CNTN6: variants seen among roughly 807,000 people sequenced by gnomAD.
CNTN6 encodes contactin-6.
CNTN6 carries 137 observed loss-of-function variants against 122.8 expected under a neutral mutation model. The ratio of observed to expected loss-of-function variants is 1.12; its 90% confidence interval spans 0.97 to 1.29. The LOEUF (loss-of-function observed/expected upper bound fraction) is 1.29, where lower values mean the gene tolerates loss of function less well. Among genes scored for constraint, CNTN6 ranks in the 50% most tolerant of loss-of-function variants. The pLI is 0.00. For missense variants in CNTN6, 1,634 were observed against 1,223.4 expected (o/e 1.34, Z -5.01); for synonymous variants, 570 against 426.0 (o/e 1.34, Z -4.16).
chr3:1,184,626 T>G (rs2093604359), intron 2 of CNTN6, among the ~76,000 whole-genome samples: 1 of 152,162 alleles, frequency 6.6e-6, no homozygotes, highest in Non-Finnish European at 1.5e-5. Flanking sequence ...AAGCCCAAAT[T>G]TGTTACTAGT....
intron 11 of CNTN6, among the ~76,000 whole-genome samples, chr3:1,340,339 A>T (rs1013782168): frequency 1.3e-5 from 2 of 152,138 alleles, no homozygotes; most frequent in African/African-American, 4.8e-5. Context: ...CTCTATCTTT[A>T]TGTCACTAAA....
intron 2 of CNTN6, among the ~76,000 whole-genome samples, chr3:1,157,282 A>G (rs2125222035): frequency 6.6e-6 from 1 of 151,858 alleles, no homozygotes; most frequent in South Asian, 2.1e-4. Flanking sequence ...CGGTGGCACG[A>G]TTCTGGCTCA....
chr3:1,262,166 A>G (rs1262870555), intron 4 of CNTN6, among the ~76,000 whole-genome samples: 1 of 152,170 alleles, frequency 6.6e-6, no homozygotes, highest in East Asian at 1.9e-4. Flanking sequence ...GATGTGCGGC[A>G]TTAAACATCT....
At chr3:1,334,599 A>C (rs1364011806) in intron 11 of CNTN6, among the ~76,000 whole-genome samples, 1 of 152,116 alleles carries the variant, frequency 6.6e-6, no homozygotes, top group Non-Finnish European at 1.5e-5. Flanking sequence ...TTGGGTGACC[A>C]GGTGACTGAG....
chr3:1,239,148 A>C (rs1180316309), intron 4 of CNTN6, among the ~76,000 whole-genome samples: 1 of 152,208 alleles, frequency 6.6e-6, no homozygotes, highest in Non-Finnish European at 1.5e-5. Context: ...TATTCAACAT[A>C]GTACTGGAAG....
At chr3:1,189,789 A>G (rs2093675541) in intron 2 of CNTN6, among the ~76,000 whole-genome samples, 1 of 152,174 alleles carries the variant, frequency 6.6e-6, no homozygotes. Context: ...GGAAGAGAAA[A>G]AAATGCCACC....
intron 2 of CNTN6, among the ~76,000 whole-genome samples, chr3:1,154,824 A>C (rs2092928124): frequency 6.6e-6 from 1 of 152,208 alleles, no homozygotes; most frequent in Admixed American, 6.5e-5. Flanking sequence ...CCATCAAGTC[A>C]CGAAACAATC....
At chr3:1,363,434 C>T (rs1447451355) in intron 12 of CNTN6, among the ~76,000 whole-genome samples, 1 of 151,956 alleles carries the variant, frequency 6.6e-6, no homozygotes, top group Non-Finnish European at 1.5e-5. Context: ...CACTTTTGTG[C>T]TCTCAGTGAC....
chr3:1,278,345 G>C, intron 4 of CNTN6, 68 bp from the exon 5 acceptor site: 1 of 1,112,380 alleles, frequency 9.0e-7, no homozygotes, highest in Non-Finnish European at 1.3e-6. Context: ...ACATTCTTGA[G>C]ATTCTTCTTT....
In CNTN6 at chr3:1,385,672, A is replaced by T; in HGVS notation, c.2579A>T (p.Asn860Ile). ...SMIGKIRVSG[N>I]VTTKNITGLK... ...ATAGGTAAAATTAGAGTCAGTGGAA[A>T]TGTCACAACCAAAAACATCACGGGG... Residue 860 changes from asparagine to isoleucine, a missense_variant, in exon 20 of 23, where the codon AAT (asparagine) becomes ATT (isoleucine). Physicochemically the swap from Asn to Ile is moderately radical, Grantham distance 149. Coordinates refer to ENST00000446702, the MANE Select transcript of CNTN6 (RefSeq NM_001289080.2). 6.2e-7 allele frequency: 1 copy of T among 1,614,108 alleles called. No individual in the cohort carries two copies.
At chr3:1,251,939 T>C (rs2094678115) in intron 4 of CNTN6, among the ~76,000 whole-genome samples, 1 of 152,176 alleles carries the variant, frequency 6.6e-6, no homozygotes, top group Non-Finnish European at 1.5e-5. Context: ...ACTTGAGATG[T>C]CAAGGTAATC....
intron 2 of CNTN6, among the ~76,000 whole-genome samples, chr3:1,166,539 A>C (rs2093252872): frequency 6.6e-6 from 1 of 152,226 alleles, no homozygotes; most frequent in African/African-American, 2.4e-5. Context: ...ATTGTTTTAA[A>C]GGAATCAAAC....
intron 1 of CNTN6, among the ~76,000 whole-genome samples, chr3:1,136,591 C>A (rs1264987302): frequency 6.6e-6 from 1 of 152,144 alleles, no homozygotes; most frequent in African/African-American, 2.4e-5. Context: ...GCCCCATAAA[C>A]ACACTGTAGG....
At chr3:1,389,310 C>T (rs1296057633) in intron 20 of CNTN6, among the ~76,000 whole-genome samples, 1 of 152,054 alleles carries the variant, frequency 6.6e-6, no homozygotes, top group East Asian at 1.9e-4. Context: ...TCCAGCCAAA[C>T]TAAGCTTCAT....
intron 20 of CNTN6, among the ~76,000 whole-genome samples, chr3:1,396,552 G>A (rs1283882731): frequency 6.6e-6 from 1 of 152,122 alleles, no homozygotes; most frequent in African/African-American, 2.4e-5. Flanking sequence ...TACCTCTAGC[G>A]ATTTCTCTGA....
chr3:1,390,305 T>A, intron 20 of CNTN6, among the ~76,000 whole-genome samples: 1 of 152,002 alleles, frequency 6.6e-6, no homozygotes, highest in Middle Eastern at 3.2e-3. Flanking sequence ...TGCTCCTGAA[T>A]GACTACTGGA....
At chr3:1,181,251 A>G (rs1418743405) in intron 2 of CNTN6, among the ~76,000 whole-genome samples, 2 of 152,166 alleles carry the variant, frequency 1.3e-5, no homozygotes, top group African/African-American at 2.4e-5. Context: ...CTAGAGATGC[A>G]CAATGAATAA....
intron 1 of CNTN6, among the ~76,000 whole-genome samples, chr3:1,120,455 T>C (rs2091906897): frequency 6.6e-6 from 1 of 152,012 alleles, no homozygotes; most frequent in Admixed American, 6.6e-5. Flanking sequence ...TAATGACTTA[T>C]CTTTTTATGT....
At chr3:1,319,578 G>A (rs938634522) in intron 7 of CNTN6, among the ~76,000 whole-genome samples, 1 of 151,302 alleles carries the variant, frequency 6.6e-6, no homozygotes, top group African/African-American at 2.4e-5. Context: ...AAGAGCAGAG[G>A]GAAAAATACA....
Sources: allele counts gnomAD v4.1 joint callset (sites outside exome capture counted in the v4.1 genomes callset), GRCh38; gene constraint gnomAD v4.1.1; transcripts MANE v1.5; gene names NCBI Gene and HGNC (gene_info 2026-07-23, HGNC 2026-07-21).